The following SPATA6 variants were observed in gnomAD, a reference collection of about 807,000 sequenced individuals.
SPATA6 encodes spermatogenesis associated 6.
In SPATA6, 56 loss-of-function variants were observed where a neutral mutation model predicts 65.3. The observed-to-expected ratio is 0.86, with a 90% CI of 0.69 to 1.07. The LOEUF (loss-of-function observed/expected upper bound fraction) is 1.07, where lower values mean the gene tolerates loss of function less well. SPATA6 is among the 50% of genes least tolerant of loss of function. SPATA6 has a pLI of 0.00. For missense variants in SPATA6, 590 were observed against 594.8 expected, an observed-to-expected ratio of 0.99 and a Z score of 0.08; for synonymous variants, 199 against 213.2, an observed-to-expected ratio of 0.93 and a Z score of 0.58.
chr1:48,302,675 T>G (rs12144441), intron 12 of SPATA6, among the ~76,000 whole-genome samples: 11,755 of 152,218 alleles, frequency 0.077, 623 homozygotes, highest in East Asian at 0.23. Context: ...AGGCTTCACA[T>G]TCAGCCATAA....
At chr1:48,318,213 C>A (rs191889815) in intron 11 of SPATA6, among the ~76,000 whole-genome samples, 46 of 152,192 alleles carry the variant, frequency 3.0e-4, no homozygotes, top group Admixed American at 2.5e-3. Context: ...CTTCTAAGAT[C>A]AGGAATAAAA....
intron 8 of SPATA6, among the ~76,000 whole-genome samples, chr1:48,394,129 GTAC>G (rs1012912322): frequency 1.3e-5 from 2 of 152,040 alleles, no homozygotes. Context: ...GCAATCCTTT[GTAC>G]TACTATTACT....
chr1:48,361,056 A>G (rs1179567434), intron 9 of SPATA6, among the ~76,000 whole-genome samples: 1 of 152,202 alleles, frequency 6.6e-6, no homozygotes, highest in East Asian at 1.9e-4. Context: ...CATTCAATAT[A>G]TTACAGCAGA....
chr1:48,400,808 G>A (rs376952543), intron 6 of SPATA6: 1 of 1,295,120 alleles, frequency 7.7e-7, no homozygotes. Context: ...TCCTTCTTCT[G>A]TAGTTCATGG....
At chr1:48,324,119 T>TATC (rs1264166946) in intron 11 of SPATA6, among the ~76,000 whole-genome samples, 1 of 151,462 alleles carries the variant, frequency 6.6e-6, no homozygotes, top group Non-Finnish European at 1.5e-5. Flanking sequence ...CTATCTACTC[T>TATC]ATTATTATTA....
chr1:48,293,602 A>G (rs4433447), downstream of SPATA6, among the ~76,000 whole-genome samples: 2 of 151,910 alleles, frequency 1.3e-5, no homozygotes, highest in African/African-American at 4.8e-5. Context: ...AATGAGAGTA[A>G]TGCTAAGTTA....
At chr1:48,282,596 A>T in the SPATA6 span, among the ~76,000 whole-genome samples, 4 of 152,230 alleles carry the variant, frequency 2.6e-5, no homozygotes, top group African/African-American at 9.6e-5. Flanking sequence ...GCTCACCATC[A>T]CTGGCCATCA....
At chr1:48,418,164 G>A (rs1652956805) in intron 3 of SPATA6, among the ~76,000 whole-genome samples, 1 of 152,100 alleles carries the variant, frequency 6.6e-6, no homozygotes, top group Admixed American at 6.5e-5. Flanking sequence ...CACTGGATAA[G>A]CAACTTTTGC....
chr1:48,343,637 T>C (rs1412560860), intron 11 of SPATA6, among the ~76,000 whole-genome samples: 2 of 152,238 alleles, frequency 1.3e-5, no homozygotes, highest in Non-Finnish European at 2.9e-5. Flanking sequence ...AAACTGAACT[T>C]GATTAAGCCT....
intron 3 of SPATA6, among the ~76,000 whole-genome samples, chr1:48,443,203 C>T (rs572270777): frequency 5.9e-5 from 9 of 152,272 alleles, no homozygotes; most frequent in South Asian, 2.1e-4. Context: ...ATGGACTGAA[C>T]GAGGTTTTAT....
intron 11 of SPATA6, among the ~76,000 whole-genome samples, chr1:48,343,435 G>A (rs1646273994): frequency 6.6e-6 from 1 of 152,128 alleles, no homozygotes; most frequent in Non-Finnish European, 1.5e-5. Flanking sequence ...ATGACATTAA[G>A]TAACAAAACA....
the SPATA6 span, among the ~76,000 whole-genome samples, chr1:48,280,725 T>A: frequency 2.0e-5 from 3 of 152,228 alleles, no homozygotes; most frequent in African/African-American, 7.2e-5. Flanking sequence ...CAGGACCAGA[T>A]GGATTCACAG....
intron 10 of SPATA6, among the ~76,000 whole-genome samples, chr1:48,356,514 T>C (rs930566214): frequency 7.6e-5 from 11 of 143,984 alleles, no homozygotes; most frequent in East Asian, 2.1e-4. Flanking sequence ...TCCTTTCTTT[T>C]TTTTTTTTTT....
the SPATA6 span, among the ~76,000 whole-genome samples, chr1:48,271,459 C>G: frequency 2.0e-5 from 3 of 152,234 alleles, no homozygotes; most frequent in South Asian, 4.1e-4. Context: ...ATTTTTATGT[C>G]TCTTGGCTGC....
intron 3 of SPATA6, chr1:48,435,858 T>C (rs1654890040): frequency 8.6e-7 from 1 of 1,157,280 alleles, no homozygotes; most frequent in Non-Finnish European, 1.3e-6. Context: ...TCGCTGGCCA[T>C]GGTCGCTGCT....
At chr1:48,436,305 T>C (rs1654934166) in intron 3 of SPATA6, 5 of 1,613,404 alleles carry the variant, frequency 3.1e-6, no homozygotes, top group Non-Finnish European at 4.2e-6. Context: ...TATCCCACTT[T>C]TTCCGGCATC....
At chr1:48,417,349 A>C (rs1336476291) in intron 3 of SPATA6, among the ~76,000 whole-genome samples, 1 of 152,242 alleles carries the variant, frequency 6.6e-6, no homozygotes, top group African/African-American at 2.4e-5. Context: ...ACCTAGAACA[A>C]TACTGAATGA....
intron 3 of SPATA6, among the ~76,000 whole-genome samples, chr1:48,431,349 GT>G (rs1359120143): frequency 6.6e-6 from 1 of 151,758 alleles, no homozygotes; most frequent in Non-Finnish European, 1.5e-5. Context: ...CTAAATAATG[GT>G]TAAAACAACC....
intron 11 of SPATA6, among the ~76,000 whole-genome samples, chr1:48,349,197 T>C (rs554540272): frequency 2.0e-5 from 3 of 152,138 alleles, no homozygotes; most frequent in East Asian, 3.9e-4. Context: ...TGCTCATTTG[T>C]TTACATACTG....
Sources: gnomAD v4.1 joint callset for allele counts (sites outside exome capture counted in the v4.1 genomes callset) on GRCh38, gnomAD v4.1.1 for gene constraint, MANE v1.5 for transcripts, NCBI Gene and HGNC (gene_info 2026-07-23, HGNC 2026-07-21) for gene names.